The following TENM3 variants were observed in gnomAD, a reference collection of about 807,000 sequenced individuals.
TENM3 encodes the protein teneurin-3.
A neutral mutation model predicts 255.1 loss-of-function variants in TENM3; 63 were observed. The observed-to-expected ratio is 0.25, with a 90% CI of 0.20 to 0.30. The LOEUF is 0.30. Among genes scored for constraint, TENM3 ranks in the 10% least tolerant of loss-of-function variants. The pLI is 1.00. For missense variants in TENM3, 2,929 were observed against 3,461.1 expected (o/e 0.85, Z 3.86); for synonymous variants, 1,306 against 1,322.3 (o/e 0.99, Z 0.27).
chr4:181,683,936 T>C, the TENM3 span, among the ~76,000 whole-genome samples: 1 of 152,178 alleles, frequency 6.6e-6, no homozygotes, highest in Non-Finnish European at 1.5e-5. Context: ...GTCTTCCTTA[T>C]GAAGTCTTCA....
chr4:182,213,425 T>G (rs1411999081), intron 1 of TENM3, among the ~76,000 whole-genome samples: 1 of 152,206 alleles, frequency 6.6e-6, no homozygotes, highest in Non-Finnish European at 1.5e-5. Flanking sequence ...ACAAGTATTT[T>G]TAGCCTCAGA....
chr4:182,390,819 A>T (rs1437767472), intron 3 of TENM3, among the ~76,000 whole-genome samples: 13 of 152,044 alleles, frequency 8.6e-5, no homozygotes, highest in Non-Finnish European at 4.4e-5. Context: ...GCCTTCTCAG[A>T]CTCATTTATG....
chr4:181,526,504 T>G, the TENM3 span, among the ~76,000 whole-genome samples: 2 of 151,864 alleles, frequency 1.3e-5, no homozygotes, highest in Admixed American at 1.3e-4. Context: ...CAAACAGGAG[T>G]AGGAGTAGGT....
Position 182,792,169 on chromosome 4 carries a change from A to AATC in TENM3, c.5602-102_5602-100dup, listed in dbSNP as rs1412105857. 3 of 1,078,656 alleles carry AATC rather than the reference A, an allele frequency of 2.8e-6. No individual in the cohort carries two copies. 66.8% of individuals were successfully genotyped at this position (1,078,656 alleles called of 1,614,324 possible). ...TCAAGGATAACTCAATTAAAATGAA[A>AATC]ATCATTTTCTCTAGTGGAATGTTTC... On this transcript the variant is annotated intron_variant, in intron 25 of 27. Transcript: ENST00000511685. The surrounding 1 kb of genome is among the most constrained non-coding windows in gnomAD (Gnocchi z 6.3).
chr4:182,787,876 C>T (rs577222485), intron 24 of TENM3, among the ~76,000 whole-genome samples: 109 of 152,054 alleles, frequency 7.2e-4, no homozygotes, highest in African/African-American at 2.6e-3. Context: ...ATTCCACGGA[C>T]TTCACCATAC....
the TENM3 span, among the ~76,000 whole-genome samples, chr4:182,114,699 C>A: frequency 1.3e-5 from 2 of 152,078 alleles, no homozygotes; most frequent in Non-Finnish European, 2.9e-5. Flanking sequence ...CAGGTGGGTA[C>A]TATTGGGCAA....
At chr4:182,225,285 G>A (rs539172317) in intron 1 of TENM3, among the ~76,000 whole-genome samples, 1 of 152,246 alleles carries the variant, frequency 6.6e-6, no homozygotes, top group East Asian at 1.9e-4. Flanking sequence ...AGTCATCCCT[G>A]AGAAGAGATC....
the TENM3 span, among the ~76,000 whole-genome samples, chr4:181,474,689 C>A: frequency 6.7e-6 from 1 of 149,154 alleles, no homozygotes; most frequent in African/African-American, 2.5e-5. Context: ...AAGTCGAGAT[C>A]ATGCCACTGC....
At chr4:182,744,203 A>G in intron 19 of TENM3, 1 of 933,160 alleles carries the variant, frequency 1.1e-6, no homozygotes, top group Non-Finnish European at 1.3e-6. Context: ...ATTTTCAAAT[A>G]TCCTTTTTAC....
the TENM3 span, among the ~76,000 whole-genome samples, chr4:181,801,501 G>A: frequency 6.6e-6 from 1 of 151,900 alleles, no homozygotes; most frequent in African/African-American, 2.4e-5. Context: ...GGGCCATGTA[G>A]AGGAGATCAA....
chr4:182,081,368 A>T, the TENM3 span, among the ~76,000 whole-genome samples: 1 of 151,852 alleles, frequency 6.6e-6, no homozygotes, highest in Non-Finnish European at 1.5e-5. Context: ...GGTGGATCAC[A>T]AGGTCAGGAG....
chr4:181,960,460 G>A, the TENM3 span, among the ~76,000 whole-genome samples: 1 of 152,122 alleles, frequency 6.6e-6, no homozygotes, highest in Non-Finnish European at 1.5e-5. Flanking sequence ...ACTTTAAATC[G>A]AAGTCAAGTC....
At chr4:182,105,590 G>C in the TENM3 span, among the ~76,000 whole-genome samples, 1 of 152,150 alleles carries the variant, frequency 6.6e-6, no homozygotes, top group Non-Finnish European at 1.5e-5. Flanking sequence ...CCGAGGCTGC[G>C]GAAGTACCAG....
intron 13 of TENM3, among the ~76,000 whole-genome samples, chr4:182,717,950 G>A (rs1002824163): frequency 7.2e-4 from 109 of 152,252 alleles, no homozygotes; most frequent in Middle Eastern, 3.4e-3. Context: ...ATCTGGAGTG[G>A]GGGTTAAGAC....
chr4:181,966,012 C>T, the TENM3 span, among the ~76,000 whole-genome samples: 4 of 152,182 alleles, frequency 2.6e-5, no homozygotes, highest in Non-Finnish European at 4.4e-5. Context: ...TTAGGGATGA[C>T]AAAATAGTGA....
chr4:181,930,279 T>C, the TENM3 span, among the ~76,000 whole-genome samples: 5 of 151,576 alleles, frequency 3.3e-5, no homozygotes, highest in African/African-American at 1.2e-4. Context: ...GCCAGACTAA[T>C]AAAGGGGAAA....
intron 3 of TENM3, among the ~76,000 whole-genome samples, chr4:182,426,394 C>T (rs954683834): frequency 9.9e-5 from 15 of 152,022 alleles, no homozygotes; most frequent in African/African-American, 3.6e-4. Flanking sequence ...AAGAAACAAC[C>T]TAAAGACCAT....
chr4:182,077,323 T>A, the TENM3 span, among the ~76,000 whole-genome samples: 1 of 152,238 alleles, frequency 6.6e-6, no homozygotes, highest in Non-Finnish European at 1.5e-5. Context: ...TTGGGATTGC[T>A]AAAATGCTTT....
chr4:182,273,541 G>A (rs540872907), intron 1 of TENM3, among the ~76,000 whole-genome samples: 69 of 152,248 alleles, frequency 4.5e-4, no homozygotes, highest in African/African-American at 1.6e-3. Flanking sequence ...CTTTTTGGCC[G>A]AATATCCTTA....
Sources: gnomAD v4.1 joint callset for allele counts (sites outside exome capture counted in the v4.1 genomes callset) on GRCh38, gnomAD v4.1.1 for gene constraint, Gnocchi (gnomAD v3.1) non-coding constraint, MANE v1.5 for transcripts, NCBI Gene and HGNC (gene_info 2026-07-23, HGNC 2026-07-21) for gene names.